KCTD3: variants seen among roughly 807,000 people sequenced by gnomAD.
KCTD3 encodes potassium channel tetramerization domain containing 3.
In KCTD3, 41 loss-of-function variants were observed where a neutral mutation model predicts 85.8. The observed-to-expected ratio is 0.48, with a 90% CI of 0.37 to 0.62. The LOEUF (loss-of-function observed/expected upper bound fraction) is 0.62. Ranked by LOEUF, KCTD3 falls within the 20% of genes least tolerant of loss-of-function variation. The pLI, the probability that KCTD3 is intolerant of heterozygous loss-of-function variation, is 0.00. For synonymous variants in KCTD3, 338 were observed against 345.4 expected (o/e 0.98, Z 0.24); for missense variants, 724 against 989.9 (o/e 0.73, Z 3.60).
intron 14 of KCTD3, among the ~76,000 whole-genome samples, chr1:215,610,753 T>C (rs1482488604): frequency 6.6e-6 from 1 of 151,988 alleles, no homozygotes; most frequent in African/African-American, 2.4e-5. Context: ...GGTTAACTAA[T>C]CTCTTGGTGC....
intron 8 of KCTD3, among the ~76,000 whole-genome samples, chr1:215,583,248 T>G (rs921771759): frequency 2.0e-5 from 3 of 152,178 alleles, no homozygotes; most frequent in Non-Finnish European, 2.9e-5. Context: ...GATTATATAC[T>G]AAATAAGGGG....
intron 17 of KCTD3, among the ~76,000 whole-genome samples, chr1:215,619,694 C>T: frequency 6.6e-6 from 1 of 152,064 alleles, no homozygotes; most frequent in East Asian, 1.9e-4. Context: ...AATTTTAATA[C>T]AAAGTTCCAT....
At chr1:215,618,390 G>A (rs890122891) in intron 15 of KCTD3, 13 of 163,944 alleles carry the variant, frequency 7.9e-5, no homozygotes, top group African/African-American at 3.1e-4. Flanking sequence ...CATGTGGATT[G>A]TATTTTTTTT....
Position 215,620,638 on chromosome 1 carries a change from G to T in KCTD3, c.*20G>T. On this transcript the variant is annotated 3_prime_UTR_variant, in exon 18 of 18. Coordinates refer to ENST00000259154, the MANE Select transcript of KCTD3 (RefSeq NM_016121.5). Reference sequence around the variant, plus strand: ...TTGTGAAAACTCACCAAAATGAATAGTTGTTTCGTTACATTTAGATGAAAG... The same window carrying T: ...TTGTGAAAACTCACCAAAATGAATATTTGTTTCGTTACATTTAGATGAAAG... The T allele has an allele frequency of 1.3e-6, 2 of 1,492,952 alleles. No homozygotes were observed. Among genetic ancestry groups the T allele is most frequent in the Non-Finnish European group, 1.8e-6 (2 of 1,102,472 alleles). The allele number at this position is 1,492,952 out of a possible 1,614,324, so 92.5% of individuals were successfully genotyped here. A position where few individuals can be genotyped will look rare whatever the true frequency, so the allele number is the denominator to read the frequency against.
intron 8 of KCTD3, chr1:215,580,972 A>G (rs758511278): frequency 4.3e-6 from 2 of 467,150 alleles, no homozygotes; most frequent in Middle Eastern, 3.3e-4. Flanking sequence ...ATGTTTTAAG[A>G]GTGTTTTGGC....
At chr1:215,616,143 A>G (rs1306192991) in intron 15 of KCTD3, among the ~76,000 whole-genome samples, 1 of 152,206 alleles carries the variant, frequency 6.6e-6, no homozygotes, top group East Asian at 1.9e-4. Flanking sequence ...CTTGCCTTGC[A>G]GGTCAGAGAG....
chr1:215,576,222 C>A (rs1659574164), intron 4 of KCTD3, among the ~76,000 whole-genome samples: 1 of 151,830 alleles, frequency 6.6e-6, no homozygotes, highest in African/African-American at 2.4e-5. Flanking sequence ...GCACATGCCA[C>A]CATGCCCGGC....
In KCTD3 at chr1:215,581,061, C is replaced by T. The variant is rs1472534824; in HGVS notation, c.626+1062C>T. ...TGGAGTTCAAGATCAGCCCGACCAA[C>T]ATGGTGAAACCCCATCTCTACTGAA... On this transcript the variant is annotated intron_variant, in intron 8 of 17. Coordinates refer to ENST00000259154, the MANE Select transcript of KCTD3 (RefSeq NM_016121.5). 4 of 406,686 alleles carry T rather than the reference C, an allele frequency of 9.8e-6. No homozygotes were observed. In the East Asian group the frequency reaches 2.4e-4, roughly 25 times the overall value. The allele number at this position is 406,686 out of a possible 1,614,324, so 25.2% of individuals were successfully genotyped here. A position where few individuals can be genotyped will look rare whatever the true frequency, so the allele number is the denominator to read the frequency against.
At chr1:215,598,987 T>C (rs1434521710) in intron 10 of KCTD3, among the ~76,000 whole-genome samples, 1 of 152,182 alleles carries the variant, frequency 6.6e-6, no homozygotes, top group African/African-American at 2.4e-5. Flanking sequence ...AAATGTGCTA[T>C]AATAAAAGAT....
At chr1:215,575,119 G>A (rs1354750169) in intron 3 of KCTD3, among the ~76,000 whole-genome samples, 2 of 152,196 alleles carry the variant, frequency 1.3e-5, no homozygotes, top group African/African-American at 4.8e-5. Flanking sequence ...CGGCATAGTG[G>A]CAGGTGCCTC....
chr1:215,592,111 C>T (rs1660248311), intron 9 of KCTD3, among the ~76,000 whole-genome samples: 1 of 152,168 alleles, frequency 6.6e-6, no homozygotes, highest in Admixed American at 6.5e-5. Flanking sequence ...AAAGACCTGT[C>T]CCCATGATTC....
At chr1:215,576,764 T>G (rs890076725) in intron 4 of KCTD3, among the ~76,000 whole-genome samples, 1 of 151,796 alleles carries the variant, frequency 6.6e-6, no homozygotes, top group Non-Finnish European at 1.5e-5. Flanking sequence ...GAGATGGGGT[T>G]TCACCGTTTT....
chr1:215,613,855 A>G (rs1481661027), intron 15 of KCTD3, among the ~76,000 whole-genome samples: 5 of 151,450 alleles, frequency 3.3e-5, no homozygotes, highest in African/African-American at 4.9e-5. Flanking sequence ...GCTTTGGTCT[A>G]TGTGTTTGTT....
intron 15 of KCTD3, among the ~76,000 whole-genome samples, chr1:215,617,263 A>T (rs1420351735): frequency 6.6e-6 from 1 of 152,200 alleles, no homozygotes; most frequent in Admixed American, 6.5e-5. Flanking sequence ...CTAGCAAATT[A>T]GTTGAACCTA....
intron 12 of KCTD3, among the ~76,000 whole-genome samples, chr1:215,602,450 A>G (rs1654871006): frequency 1.3e-5 from 2 of 151,656 alleles, no homozygotes; most frequent in African/African-American, 2.4e-5. Flanking sequence ...GTTGAGCCAT[A>G]TTATTATAAT....
At chr1:215,614,677 AAAACTT>A (rs1655364812) in intron 15 of KCTD3, among the ~76,000 whole-genome samples, 1 of 152,124 alleles carries the variant, frequency 6.6e-6, no homozygotes, top group South Asian at 2.1e-4. Context: ...TTTGTTTTTT[AAAACTT>A]TGCTGAAGTT....
intron 10 of KCTD3, among the ~76,000 whole-genome samples, chr1:215,600,347 C>CT (rs1010748310): frequency 9.9e-5 from 15 of 152,102 alleles, no homozygotes; most frequent in African/African-American, 3.4e-4. Context: ...AGATTCTGTG[C>CT]TTTTTTTACT....
intron 8 of KCTD3, among the ~76,000 whole-genome samples, chr1:215,583,754 G>A (rs1659911553): frequency 6.6e-6 from 1 of 152,174 alleles, no homozygotes. Context: ...AGTCTGAATA[G>A]GGATGATGGT....
intron 8 of KCTD3, among the ~76,000 whole-genome samples, chr1:215,584,545 T>C (rs1659940793): frequency 6.6e-6 from 1 of 152,206 alleles, no homozygotes; most frequent in Admixed American, 6.5e-5. Flanking sequence ...TTCTTTCCTT[T>C]TGAGGTTTCA....
Sources: allele counts gnomAD v4.1 joint callset (sites outside exome capture counted in the v4.1 genomes callset), GRCh38; gene constraint gnomAD v4.1.1; transcripts MANE v1.5; gene names NCBI Gene and HGNC (gene_info 2026-07-23, HGNC 2026-07-21).